Variants in ARSG observed in about 807,000 individuals in gnomAD.
The protein encoded by ARSG is arylsulfatase G, also known as ASG.
ARSG carries 37 observed loss-of-function variants against 50.5 expected under a neutral mutation model. That is an observed-to-expected ratio of 0.73 (90% CI 0.56 to 0.96). ARSG has a LOEUF of 0.96. Among genes scored for constraint, ARSG ranks in the 50% least tolerant of loss-of-function variants. The probability of loss-of-function intolerance (pLI) is 0.00; values close to 1 mark genes in which losing one functional copy is unlikely to be tolerated. For synonymous variants in ARSG, 225 were observed against 254.6 expected, an observed-to-expected ratio of 0.88 and a Z score of 1.11; for missense variants, 629 against 675.3, an observed-to-expected ratio of 0.93 and a Z score of 0.76.
chr17:68,315,567 C>G (rs1319959111), intron 2 of ARSG, among the ~76,000 whole-genome samples: 1 of 150,782 alleles, frequency 6.6e-6, no homozygotes, highest in Non-Finnish European at 1.5e-5. Context: ...TTTTTTTCTC[C>G]CTTTGGTGCT....
chr17:68,288,785 G>T (rs1229812553), upstream of ARSG, among the ~76,000 whole-genome samples: 2 of 152,188 alleles, frequency 1.3e-5, no homozygotes, highest in Non-Finnish European at 2.9e-5. Flanking sequence ...GGCCATATTT[G>T]TTAATTTCTG....
downstream of ARSG, among the ~76,000 whole-genome samples, chr17:68,423,571 G>A (rs189093992): frequency 5.6e-4 from 85 of 152,268 alleles, no homozygotes; most frequent in Middle Eastern, 3.4e-3. This position sits in a 1 kb window ranked among gnomAD's most constrained non-coding sequence, Gnocchi z 4.4. Context: ...TATTTCTTGC[G>A]TATAAATAAG....
At chr17:68,352,473 T>G (rs1327628931) in intron 5 of ARSG, among the ~76,000 whole-genome samples, 1 of 151,910 alleles carries the variant, frequency 6.6e-6, no homozygotes, top group African/African-American at 2.4e-5. Flanking sequence ...GGAATCTCTC[T>G]GGTCGTGGGA....
chr17:68,323,117 T>G (rs1196088343), intron 2 of ARSG, among the ~76,000 whole-genome samples: 2 of 152,156 alleles, frequency 1.3e-5, no homozygotes, highest in Admixed American at 1.3e-4. Context: ...TGGTTATTTT[T>G]TTTTTGGAGT....
intron 8 of ARSG, 38 bp downstream of exon 8, chr17:68,370,562 A>G (rs1249668178): frequency 1.3e-6 from 2 of 1,586,478 alleles, no homozygotes; most frequent in Admixed American, 1.7e-5. Flanking sequence ...TCCCATTGCA[A>G]TGCTGAGCCC....
At chr17:68,270,414 C>A (rs541350212) in intron 1 of ARSG, among the ~76,000 whole-genome samples, 1 of 152,120 alleles carries the variant, frequency 6.6e-6, no homozygotes. Flanking sequence ...ATTAGCCAGG[C>A]GTGGTGGTGG....
At chr17:68,291,468 A>T (rs1387082743), upstream of ARSG, 3 of 150,610 alleles carry the variant, frequency 2.0e-5, no homozygotes, top group South Asian at 2.1e-4. Context: ...AGCGCAGCCA[A>T]GGAGGGGGCC....
At chr17:68,290,730 A>C (rs1223922997), upstream of ARSG, among the ~76,000 whole-genome samples, 1 of 152,142 alleles carries the variant, frequency 6.6e-6, no homozygotes, top group Non-Finnish European at 1.5e-5. Flanking sequence ...AAATCCGCGG[A>C]GGGGCTGAGC....
downstream of ARSG, chr17:68,420,866 T>C (rs529529271): frequency 2.7e-5 from 5 of 187,806 alleles, no homozygotes; most frequent in South Asian, 4.5e-4. Context: ...TTTCTCTGGT[T>C]CCCAGTTTCT....
chr17:68,282,198 G>A (rs2075715683), intron 1 of ARSG, among the ~76,000 whole-genome samples: 1 of 152,120 alleles, frequency 6.6e-6, no homozygotes, highest in Non-Finnish European at 1.5e-5. Context: ...CATGTCCTTG[G>A]TAGGGACATG....
At position 68,378,532 on chromosome 17, in the gene ARSG, G is replaced by C. The variant is rs1259355674; in HGVS notation, c.983-6532G>C. Among the ~76,000 whole-genome samples, 2 of 152,170 alleles carry C rather than the reference G, an allele frequency of 1.3e-5. No homozygotes were observed. Among genetic ancestry groups the C allele is most frequent in the African/African-American group, 4.8e-5 (2 of 41,448 alleles). On this transcript the variant is annotated intron_variant, in intron 8 of 11. Coordinates refer to ENST00000621439, the MANE Select transcript of ARSG (RefSeq NM_001267727.2). This position sits in a 1 kb window ranked among gnomAD's most constrained non-coding sequence, Gnocchi z 4.4. ...GTGAGGAGAAACGGAACTGGGGCGG[G>C]GGCAGAGCAAAGCAGCCCTGCCTTC...
chr17:68,428,660 C>T, the ARSG span: 1 of 585,270 alleles, frequency 1.7e-6, no homozygotes, highest in South Asian at 2.0e-5. Context: ...GCTGAGGGCA[C>T]CTGACACAGA....
At chr17:68,444,365 G>A in the ARSG span, 1 of 803,528 alleles carries the variant, frequency 1.2e-6, no homozygotes, top group African/African-American at 1.7e-5. Context: ...AAAGCTTCGA[G>A]ATAAACCTCA....
Position 68,356,760 on chromosome 17 carries a change from C to T in ARSG, c.660C>T (p.Ala220=). The T allele has an allele frequency of 6.2e-7, 1 of 1,614,094 alleles. No homozygotes were observed. The highest frequency in any genetic ancestry group is 1.1e-5 in the South Asian group (1 of 91,080). ...AGCCGGTGAACTTGAGCAGCCTTGC[C>T]CAGAAGTATGCTGAGAAAGCAACCC... ...VEQPVNLSSL[A]QKYAEKATQF... Residue 220 remains alanine, a synonymous_variant, in exon 6 of 12, where the codon GCC becomes GCT. Coordinates refer to ENST00000621439, the MANE Select transcript of ARSG (RefSeq NM_001267727.2).
chr17:68,374,121 G>A (rs1424063936), intron 8 of ARSG, among the ~76,000 whole-genome samples: 2 of 141,634 alleles, frequency 1.4e-5, no homozygotes, highest in East Asian at 4.1e-4. Flanking sequence ...CGCACCACTG[G>A]ACTCCAGCCT....
chr17:68,327,344 A>G (rs1339140837), intron 2 of ARSG, among the ~76,000 whole-genome samples: 2 of 152,154 alleles, frequency 1.3e-5, no homozygotes, highest in Admixed American at 1.3e-4. Flanking sequence ...AAAATATATT[A>G]TCTTACAATG....
chr17:68,429,075 G>A, the ARSG span: 2 of 643,218 alleles, frequency 3.1e-6, no homozygotes, highest in East Asian at 2.8e-5. Context: ...TCTGGTCTGG[G>A]CTTCTGGCTA....
At chr17:68,420,155 G>A (rs1165126463) in intron 11 of ARSG, 34 bp from the exon 12 acceptor site, 20 of 1,609,178 alleles carry the variant, frequency 1.2e-5, no homozygotes, top group Non-Finnish European at 1.7e-5. Flanking sequence ...AACTGTCAGG[G>A]TTAGCGAGGC....
rs370480016 is a variant in ARSG at position 68,395,134 on chromosome 17, C to T, written c.1153C>T (p.Arg385Cys). 2.8e-5 allele frequency: 45 copies of T among 1,614,018 alleles called. No individual in the cohort carries two copies. The highest frequency in any genetic ancestry group is 1.5e-4 in the Admixed American group (9 of 59,998). ...CCAGGCCAGCTTACCTCAAGGACGG[C>T]GCTTTGATGGTGTGGACGTCTCCGA... The part of the protein sequence containing the change: ...LAQASLPQGR[R>C]FDGVDVSEVL... The change falls in exon 10 of 12, where the codon CGC becomes TGC. Residue 385 changes from arginine (R) to cysteine (C), a missense_variant. By Grantham distance (180) the Arg-to-Cys change is radical. Transcript: ENST00000621439.
Sources: gnomAD v4.1 joint callset for allele counts (sites outside exome capture counted in the v4.1 genomes callset) on GRCh38, gnomAD v4.1.1 for gene constraint, Gnocchi (gnomAD v3.1) non-coding constraint, MANE v1.5 for transcripts, NCBI Gene and HGNC (gene_info 2026-07-23, HGNC 2026-07-21) for gene names.